CHD9: variants seen among roughly 807,000 people sequenced by gnomAD.
CHD9 encodes the protein chromodomain helicase DNA binding protein 9.
In CHD9, 77 loss-of-function variants were observed where a neutral mutation model predicts 316.1. The ratio of observed to expected loss-of-function variants is 0.24; its 90% CI spans 0.20 to 0.29. The LOEUF is 0.29. CHD9 is among the 10% of genes least tolerant of loss of function. The pLI is 1.00. For synonymous variants in CHD9, 1,129 were observed against 1,158.3 expected, an observed-to-expected ratio of 0.97 and a Z score of 0.51; for missense variants, 2,763 against 3,438.1, an observed-to-expected ratio of 0.80 and a Z score of 4.91.
chr16:53,244,843 A>G (rs1453983741), intron 13 of CHD9, among the ~76,000 whole-genome samples: 1 of 152,144 alleles, frequency 6.6e-6, no homozygotes, highest in African/African-American at 2.4e-5. Context: ...CTTGAAAATT[A>G]TGAGTCTGGG....
At chr16:53,199,356 AT>A (rs747079102) in intron 2 of CHD9, among the ~76,000 whole-genome samples, 4 of 152,238 alleles carry the variant, frequency 2.6e-5, no homozygotes. Context: ...TGATTCCCTG[AT>A]TCATTTAGCA....
At chr16:53,204,109 C>T (rs2045702099) in intron 2 of CHD9, among the ~76,000 whole-genome samples, 1 of 122,760 alleles carries the variant, frequency 8.1e-6, no homozygotes, top group Non-Finnish European at 1.6e-5. Flanking sequence ...TAGAATGTTT[C>T]TTTATCTAGA....
At chr16:53,071,746 G>A (rs1407933110) in intron 1 of CHD9, among the ~76,000 whole-genome samples, 1 of 152,178 alleles carries the variant, frequency 6.6e-6, no homozygotes. Flanking sequence ...ACCCTGCGGG[G>A]ATTTTGTTGT....
At chr16:53,209,436 AGATG>A in intron 2 of CHD9, 42 bp from the exon 3 acceptor site, 6 of 1,236,952 alleles carry the variant, frequency 4.9e-6, no homozygotes, top group South Asian at 3.1e-5. Context: ...CAATTGTTTT[AGATG>A]TACTTTGGTA....
Position 53,307,947 on chromosome 16 carries a change from C to G in CHD9, c.7047C>G (p.Ile2349Met), listed in dbSNP as rs1185085470. 3 of 1,598,838 alleles carry G rather than the reference C, an allele frequency of 1.9e-6. No homozygotes were observed. In the African/African-American group the frequency reaches 4.0e-5, roughly 21 times the overall value. ...HVREKEFTVK[I>M]KDEGGLKLTF... is the part of the protein sequence containing the mutation. Reference sequence around the variant, plus strand: ...GAGAAAAGGAGTTTACAGTGAAAATCAAAGACGTATGTGTATTTTTATTGC... The same window carrying G: ...GAGAAAAGGAGTTTACAGTGAAAATGAAAGACGTATGTGTATTTTTATTGC... The change falls in exon 33 of 39, where the codon ATC (isoleucine) becomes ATG (methionine). Residue 2349 changes from isoleucine to methionine, a missense_variant. By Grantham distance (10) the Ile-to-Met change is conservative (BLOSUM62 1). This residue lies in a region of CHD9 where 663 missense variants were observed against 751.2 expected (regional missense o/e 0.88). Coordinates refer to ENST00000447540, the MANE Select transcript of CHD9 (RefSeq NM_001308319.2).
chr16:53,304,930 G>A (rs1341407891), intron 31 of CHD9, among the ~76,000 whole-genome samples: 1 of 151,750 alleles, frequency 6.6e-6, no homozygotes, highest in Non-Finnish European at 1.5e-5. Context: ...CCGACCTCAG[G>A]TGATCTACCC....
At chr16:53,202,315 C>A (rs1171664340) in intron 2 of CHD9, among the ~76,000 whole-genome samples, 1 of 151,938 alleles carries the variant, frequency 6.6e-6, no homozygotes, top group Non-Finnish European at 1.5e-5. Context: ...AGGCCAATAT[C>A]TAAACTTAGA....
intron 11 of CHD9, among the ~76,000 whole-genome samples, chr16:53,237,324 TA>T (rs2048715589): frequency 6.6e-6 from 1 of 152,124 alleles, no homozygotes; most frequent in African/African-American, 2.4e-5. Flanking sequence ...TCCCTGCACT[TA>T]ATGGTACTTT....
intron 2 of CHD9, among the ~76,000 whole-genome samples, chr16:53,164,901 C>T (rs1328340811): frequency 6.6e-6 from 1 of 152,098 alleles, no homozygotes; most frequent in Non-Finnish European, 1.5e-5. Context: ...GTGATCTGCC[C>T]TTCTTGGCCT....
intron 1 of CHD9, among the ~76,000 whole-genome samples, chr16:53,070,097 A>G (rs1218662804): frequency 1.3e-5 from 2 of 152,166 alleles, no homozygotes; most frequent in Admixed American, 6.5e-5. Context: ...TTTTAAAATC[A>G]GGCTGGGTTG....
intron 29 of CHD9, among the ~76,000 whole-genome samples, chr16:53,295,061 T>G (rs1356607927): frequency 6.6e-6 from 1 of 152,188 alleles, no homozygotes; most frequent in Non-Finnish European, 1.5e-5. Flanking sequence ...TGGAACACCC[T>G]TTCTACCTGT....
Position 53,221,963 on chromosome 16 carries a change from C to T in CHD9, c.1785-681C>T, listed in dbSNP as rs1028776855. Among the ~76,000 whole-genome samples, 3 of 151,154 alleles carry T rather than the reference C, an allele frequency of 2.0e-5. No homozygotes were observed. In the East Asian group the frequency reaches 5.8e-4, roughly 29 times the overall value. On this transcript the variant is annotated intron_variant, in intron 3 of 38. Coordinates refer to ENST00000447540, the MANE Select transcript of CHD9 (RefSeq NM_001308319.2). Reference sequence around the variant, plus strand: ...TAATAAAGTAAACACAGTTGTATCACCTCACATTTTTCCTATGAAAAGTAA... The same window carrying T: ...TAATAAAGTAAACACAGTTGTATCATCTCACATTTTTCCTATGAAAAGTAA...
At chr16:53,294,612 G>A (rs1307374329) in intron 29 of CHD9, among the ~76,000 whole-genome samples, 1 of 152,114 alleles carries the variant, frequency 6.6e-6, no homozygotes, top group Admixed American at 6.5e-5. Flanking sequence ...GATCCCAAGA[G>A]GGACCATTCC....
intron 1 of CHD9, among the ~76,000 whole-genome samples, chr16:53,075,438 G>T (rs2034442811): frequency 6.6e-6 from 1 of 152,152 alleles, no homozygotes; most frequent in South Asian, 2.1e-4. Context: ...GGGGCGGAAT[G>T]ATATGGTTTG....
At chr16:53,130,090 G>A (rs1316816384) in intron 1 of CHD9, among the ~76,000 whole-genome samples, 1 of 152,144 alleles carries the variant, frequency 6.6e-6, no homozygotes, top group East Asian at 1.9e-4. Flanking sequence ...AATGGAGAAC[G>A]GGAGCCTGAG....
chr16:53,141,728 A>G (rs1363782243), intron 1 of CHD9, among the ~76,000 whole-genome samples: 1 of 152,232 alleles, frequency 6.6e-6, no homozygotes, highest in Non-Finnish European at 1.5e-5. Flanking sequence ...CTTGTTTAGT[A>G]GGGATAAAGT....
intron 1 of CHD9, among the ~76,000 whole-genome samples, chr16:53,060,760 A>C (rs1178279325): frequency 6.6e-6 from 1 of 151,934 alleles, no homozygotes; most frequent in Non-Finnish European, 1.5e-5. Context: ...TGTCTCAAAA[A>C]ACAAACGAAA....
intron 1 of CHD9, among the ~76,000 whole-genome samples, chr16:53,072,365 A>T (rs2034149912): frequency 6.8e-6 from 1 of 146,510 alleles, no homozygotes; most frequent in Non-Finnish European, 1.5e-5. Context: ...TTTTTTTCCA[A>T]TTTAAAAAAT....
At chr16:53,071,567 A>G (rs772688300) in intron 1 of CHD9, among the ~76,000 whole-genome samples, 14 of 152,216 alleles carry the variant, frequency 9.2e-5, no homozygotes, top group Admixed American at 1.3e-4. Flanking sequence ...CACTATAGGC[A>G]TAATCAATAC....
Sources: allele counts gnomAD v4.1 joint callset (sites outside exome capture counted in the v4.1 genomes callset), GRCh38; gene constraint gnomAD v4.1.1; regional missense constraint gnomAD v4.1.1; transcripts MANE v1.5; gene names NCBI Gene and HGNC (gene_info 2026-07-23, HGNC 2026-07-21).